Variants in LRCH1 observed in about 807,000 individuals in gnomAD.
LRCH1 encodes leucine rich repeats and calponin homology domain containing 1, also known as leucine-rich repeat and calponin homology domain-containing protein 1.
LRCH1 carries 23 observed loss-of-function variants against 94.9 expected under a neutral mutation model. That is an observed-to-expected ratio of 0.24 (90% CI 0.17 to 0.34). The LOEUF is 0.34. Among genes scored for constraint, LRCH1 ranks in the 10% least tolerant of loss-of-function variants. The pLI is 1.00. For missense variants in LRCH1, 790 were observed against 945.9 expected (o/e 0.84, Z 2.16); for synonymous variants, 364 against 354.9 (o/e 1.03, Z -0.29).
chr13:46,668,842 GA>G (rs1228359362), intron 2 of LRCH1, among the ~76,000 whole-genome samples, 187 bp from the exon 3 acceptor site: 2 of 145,204 alleles, frequency 1.4e-5, no homozygotes, highest in Admixed American at 1.4e-4. Flanking sequence ...TTTAAAAAAA[GA>G]AAAACATATT....
rs113510828 is a variant in LRCH1 at position 46,714,769 on chromosome 13, T to C, written c.1655-791T>C. 9.8e-4 allele frequency among the ~76,000 whole-genome samples: 149 copies of C among 152,352 alleles called. 1 individual carries two copies. Among genetic ancestry groups the C allele is most frequent in the African/African-American group, 3.3e-3 (139 of 41,598 alleles). ...TAAATATGAAATTGCCATATGGATATTTAGTGCAAAAATAAGAGTTGTTAT... is the reference window on the plus strand; with the variant it reads ...TAAATATGAAATTGCCATATGGATACTTAGTGCAAAAATAAGAGTTGTTAT... On this transcript the variant is annotated intron_variant, in intron 15 of 19. Transcript: ENST00000389797.
intron 1 of LRCH1, among the ~76,000 whole-genome samples, chr13:46,625,022 T>TA (rs1022066725): frequency 5.3e-4 from 81 of 152,372 alleles, no homozygotes; most frequent in African/African-American, 1.6e-3. Flanking sequence ...TATTCAGCCT[T>TA]ACTTCTGCCA....
intron 2 of LRCH1, among the ~76,000 whole-genome samples, chr13:46,652,146 G>A (rs1421656720): frequency 7.0e-6 from 1 of 142,318 alleles, no homozygotes; most frequent in African/African-American, 2.6e-5. Flanking sequence ...GCGCGATCTC[G>A]GCTCACTGCA....
intron 1 of LRCH1, among the ~76,000 whole-genome samples, chr13:46,562,862 C>A (rs184242251): frequency 2.5e-4 from 38 of 152,334 alleles, no homozygotes; most frequent in Admixed American, 1.1e-3. Flanking sequence ...TGCTCCTGAG[C>A]CCTCGAATGT....
intron 1 of LRCH1, among the ~76,000 whole-genome samples, chr13:46,581,983 G>A (rs2050371635): frequency 6.6e-6 from 1 of 151,966 alleles, no homozygotes; most frequent in African/African-American, 2.4e-5. Flanking sequence ...AACCCCCTTT[G>A]TACTAAAAAT....
At chr13:46,686,176 A>G in intron 5 of LRCH1, 135 bp downstream of exon 5, 2 of 875,188 alleles carry the variant, frequency 2.3e-6, no homozygotes, top group African/African-American at 1.7e-5. Context: ...AATTGGAGAA[A>G]AGGCATCAAA....
intron 1 of LRCH1, among the ~76,000 whole-genome samples, chr13:46,588,931 A>G (rs1435113394): frequency 6.6e-6 from 1 of 151,918 alleles, no homozygotes; most frequent in African/African-American, 2.4e-5. Flanking sequence ...TTGTGTGTGT[A>G]TATGTGTATG....
At chr13:46,614,174 A>G (rs2050779291) in intron 1 of LRCH1, among the ~76,000 whole-genome samples, 1 of 152,162 alleles carries the variant, frequency 6.6e-6, no homozygotes, top group Non-Finnish European at 1.5e-5. Context: ...ATATAATGCA[A>G]TATTATTAAC....
At chr13:46,669,273 G>A (rs920139986) in intron 3 of LRCH1, 117 bp downstream of exon 3, 11 of 1,203,472 alleles carry the variant, frequency 9.1e-6, no homozygotes, top group East Asian at 2.4e-5. Flanking sequence ...GTTGTTTGAG[G>A]GCAGGTATAT....
intron 2 of LRCH1, among the ~76,000 whole-genome samples, chr13:46,664,719 A>G (rs842370): frequency 0.84 from 127,699 of 152,224 alleles, 54,124 homozygotes; most frequent in African/African-American, 0.96. Context: ...ATTAGTGGCT[A>G]GGTGAGGTTT....
intron 1 of LRCH1, among the ~76,000 whole-genome samples, chr13:46,560,752 C>T (rs1412099781): frequency 6.6e-6 from 1 of 152,106 alleles, no homozygotes; most frequent in African/African-American, 2.4e-5. Flanking sequence ...GTCAGGGTTC[C>T]AAGTCAGACT....
chr13:46,605,699 A>T (rs554005494), intron 1 of LRCH1, among the ~76,000 whole-genome samples: 5 of 152,216 alleles, frequency 3.3e-5, no homozygotes, highest in Admixed American at 6.5e-5. Context: ...TCTTCATGAG[A>T]TAAATTCCTT....
intron 13 of LRCH1, among the ~76,000 whole-genome samples, chr13:46,709,101 A>G (rs754918439): frequency 6.6e-6 from 1 of 152,216 alleles, no homozygotes; most frequent in African/African-American, 2.4e-5. Flanking sequence ...GGTAAAGTGT[A>G]TATTATGTCC....
intron 11 of LRCH1, among the ~76,000 whole-genome samples, chr13:46,703,433 C>T (rs1409563815): frequency 1.3e-5 from 2 of 152,010 alleles, no homozygotes; most frequent in African/African-American, 2.4e-5. Context: ...CATAAACTGC[C>T]GGTGGAGAAG....
intron 1 of LRCH1, among the ~76,000 whole-genome samples, chr13:46,640,833 A>T (rs1431004760): frequency 6.6e-6 from 1 of 152,258 alleles, no homozygotes; most frequent in Non-Finnish European, 1.5e-5. Flanking sequence ...AGTTTTAAGG[A>T]GATGATCAGG....
At chr13:46,729,032 G>A (rs1482324314) in intron 18 of LRCH1, 48 bp downstream of exon 18, 3 of 1,558,390 alleles carry the variant, frequency 1.9e-6, no homozygotes, top group Non-Finnish European at 2.6e-6. Context: ...AGACCTTTAG[G>A]GGGCACTGTT....
chr13:46,701,993 A>G (rs930008639), intron 11 of LRCH1, among the ~76,000 whole-genome samples: 3 of 152,228 alleles, frequency 2.0e-5, no homozygotes. Context: ...ACCACCTATG[A>G]TGTCTGGCCC....
intron 1 of LRCH1, among the ~76,000 whole-genome samples, chr13:46,637,095 A>G (rs2051100559): frequency 6.6e-6 from 1 of 152,202 alleles, no homozygotes; most frequent in South Asian, 2.1e-4. Flanking sequence ...GAGGATGGCA[A>G]CTCCGTTCTT....
chr13:46,740,174 T>C (rs1375796428), intron 19 of LRCH1, among the ~76,000 whole-genome samples: 1 of 152,234 alleles, frequency 6.6e-6, no homozygotes, highest in Admixed American at 6.5e-5. Context: ...TCCTCATCTA[T>C]TAATCCATGA....
Sources: gnomAD v4.1 joint callset for allele counts (sites outside exome capture counted in the v4.1 genomes callset) on GRCh38, gnomAD v4.1.1 for gene constraint, MANE v1.5 for transcripts, NCBI Gene and HGNC (gene_info 2026-07-23, HGNC 2026-07-21) for gene names.